The following STMN2 variants were observed in gnomAD, a reference collection of about 807,000 sequenced individuals.
STMN2 encodes stathmin-2.
Under a neutral mutation model 24.1 loss-of-function variants are expected in STMN2, and 2 were observed. The observed-to-expected ratio is 0.08, with a 90% confidence interval of 0.03 to 0.26. STMN2 has a LOEUF of 0.26. STMN2 is among the 10% of genes least tolerant of loss of function. The pLI, the probability that STMN2 is intolerant of heterozygous loss-of-function variation, is 1.00. For missense variants in STMN2, 114 were observed against 213.6 expected (o/e 0.53, Z 2.91); for synonymous variants, 83 against 77.5 (o/e 1.07, Z -0.37).
rs1585918187 is a variant in STMN2 at position 79,664,979 on chromosome 8, G to T, written c.*105G>T. The T allele has an allele frequency of 3.1e-4, 220 of 710,250 alleles. No individual in the cohort carries two copies. Among genetic ancestry groups the T allele is most frequent in the East Asian group, 7.1e-4 (15 of 21,046 alleles). 44.0% of individuals were successfully genotyped at this position (710,250 alleles called of 1,614,324 possible). On this transcript the variant is annotated 3_prime_UTR_variant, in exon 5 of 5. Coordinates refer to ENST00000220876, the MANE Select transcript of STMN2 (RefSeq NM_007029.4). ...GGGAATGTATGACATGGTTTAAAAA[G>T]AACTCATTATAAAAAAAAAAAAACA...
At chr8:79,653,381 A>T (rs375978715) in intron 3 of STMN2, among the ~76,000 whole-genome samples, 1 of 152,172 alleles carries the variant, frequency 6.6e-6, no homozygotes, top group Non-Finnish European at 1.5e-5. Context: ...TATCTAAAAA[A>T]AAATAAACAC....
intron 1 of STMN2, among the ~76,000 whole-genome samples, chr8:79,615,449 A>G (rs1809361722): frequency 6.6e-6 from 1 of 152,180 alleles, no homozygotes; most frequent in Non-Finnish European, 1.5e-5. Context: ...AACACATATT[A>G]TCCTGTTGTC....
intron 1 of STMN2, among the ~76,000 whole-genome samples, chr8:79,624,873 GA>G (rs1433784499): frequency 1.3e-5 from 2 of 152,104 alleles, no homozygotes; most frequent in Non-Finnish European, 2.9e-5. Flanking sequence ...TGAATTTGAC[GA>G]TAGCCACATA....
At chr8:79,626,950 C>A (rs1490619261) in intron 1 of STMN2, among the ~76,000 whole-genome samples, 3 of 152,044 alleles carry the variant, frequency 2.0e-5, no homozygotes, top group African/African-American at 7.2e-5. Flanking sequence ...AACTCCAAGG[C>A]CCTTGTGAAG....
At chr8:79,654,486 C>T (rs1178138197) in intron 3 of STMN2, among the ~76,000 whole-genome samples, 1 of 152,194 alleles carries the variant, frequency 6.6e-6, no homozygotes, top group Non-Finnish European at 1.5e-5. Flanking sequence ...AAGATCAGAA[C>T]TTGTCTCAGT....
At chr8:79,647,633 G>T (rs982083308) in intron 3 of STMN2, among the ~76,000 whole-genome samples, 2 of 152,216 alleles carry the variant, frequency 1.3e-5, no homozygotes, top group Non-Finnish European at 2.9e-5. Flanking sequence ...TAGGTTGGAG[G>T]ATACTCCCTC....
intron 4 of STMN2, among the ~76,000 whole-genome samples, chr8:79,656,731 T>G (rs1478524448): frequency 2.0e-5 from 3 of 152,186 alleles, no homozygotes; most frequent in Non-Finnish European, 4.4e-5. Context: ...AACAATTAAG[T>G]GAAGTTGCTA....
intron 3 of STMN2, among the ~76,000 whole-genome samples, chr8:79,654,288 G>C (rs1190579493): frequency 6.6e-6 from 1 of 151,842 alleles, no homozygotes; most frequent in African/African-American, 2.4e-5. Flanking sequence ...GCTCTCTGTG[G>C]CCAAGGGGAC....
chr8:79,630,937 G>C (rs780471104), intron 1 of STMN2, among the ~76,000 whole-genome samples: 3 of 152,178 alleles, frequency 2.0e-5, no homozygotes, highest in Non-Finnish European at 4.4e-5. Context: ...TAGACTTGGT[G>C]ATAAAAATCT....
chr8:79,619,950 T>A (rs1809472562), intron 1 of STMN2, among the ~76,000 whole-genome samples: 1 of 151,754 alleles, frequency 6.6e-6, no homozygotes, highest in South Asian at 2.1e-4. Context: ...TAAAAAATGT[T>A]CAAAAGAAAA....
chr8:79,632,064 T>C (rs559821140), intron 1 of STMN2, among the ~76,000 whole-genome samples: 132 of 152,244 alleles, frequency 8.7e-4, no homozygotes, highest in African/African-American at 3.0e-3. Flanking sequence ...GAACCCTATT[T>C]CTCCCATTAA....
At chr8:79,653,166 C>T (rs937895190) in intron 3 of STMN2, among the ~76,000 whole-genome samples, 5 of 152,046 alleles carry the variant, frequency 3.3e-5, no homozygotes, top group African/African-American at 1.2e-4. Context: ...TCACTTAAGC[C>T]AGGAGTTCAA....
At chr8:79,659,349 A>G (rs1309319134) in intron 4 of STMN2, among the ~76,000 whole-genome samples, 2 of 152,208 alleles carry the variant, frequency 1.3e-5, no homozygotes, top group Non-Finnish European at 2.9e-5. Context: ...TGAGAAGTAG[A>G]AAGAGAGAGA....
intron 4 of STMN2, 141 bp from the exon 5 acceptor site, chr8:79,664,674 A>G: frequency 1.9e-6 from 1 of 514,418 alleles, no homozygotes; most frequent in Non-Finnish European, 3.4e-6. Flanking sequence ...GACATTTTGC[A>G]GGGCCCATAT....
chr8:79,649,241 A>G (rs1344928700), intron 3 of STMN2, among the ~76,000 whole-genome samples: 1 of 151,920 alleles, frequency 6.6e-6, no homozygotes, highest in African/African-American at 2.4e-5. Context: ...TTCAGGAAAC[A>G]TTCTGCTCCT....
chr8:79,622,933 G>A (rs143046186), intron 1 of STMN2, among the ~76,000 whole-genome samples: 12 of 152,078 alleles, frequency 7.9e-5, no homozygotes, highest in East Asian at 5.8e-4. Flanking sequence ...CTCCCACTCC[G>A]TATCACCTGA....
At chr8:79,618,745 T>C (rs914332788) in intron 1 of STMN2, among the ~76,000 whole-genome samples, 19 of 152,346 alleles carry the variant, frequency 1.2e-4, no homozygotes, top group African/African-American at 4.6e-4. Flanking sequence ...TTTGTGTACA[T>C]TTGTTCTCAC....
intron 1 of STMN2, chr8:79,613,768 G>T: frequency 1.0e-6 from 1 of 985,306 alleles, no homozygotes; most frequent in Non-Finnish European, 1.2e-6. Context: ...AGGTAAATTT[G>T]TCTCCAGTTG....
intron 4 of STMN2, among the ~76,000 whole-genome samples, chr8:79,658,327 G>C (rs1806421580): frequency 6.6e-6 from 1 of 151,944 alleles, no homozygotes; most frequent in African/African-American, 2.4e-5. Flanking sequence ...GAAAAAAAAA[G>C]ATGACCACTT....
Sources: gnomAD v4.1 joint callset for allele counts (sites outside exome capture counted in the v4.1 genomes callset) on GRCh38, gnomAD v4.1.1 for gene constraint, MANE v1.5 for transcripts, NCBI Gene and HGNC (gene_info 2026-07-23, HGNC 2026-07-21) for gene names.